Variants in FGGY observed in about 807,000 individuals in gnomAD.
FGGY encodes FGGY carbohydrate kinase domain-containing protein.
A neutral mutation model predicts 71.3 loss-of-function variants in FGGY; 72 were observed. The observed-to-expected ratio is 1.01, with a 90% CI of 0.84 to 1.23. The LOEUF is 1.23. Among genes scored for constraint, FGGY ranks in the 50% most tolerant of loss-of-function variants. The pLI is 0.00. For missense variants in FGGY, 668 were observed against 682.3 expected, an observed-to-expected ratio of 0.98 and a Z score of 0.23; for synonymous variants, 251 against 250.3, an observed-to-expected ratio of 1.00 and a Z score of -0.02.
rs903335342 is a variant in FGGY at position 59,741,678 on chromosome 1, G to A, written c.1513-16253G>A. Reference sequence around the variant, plus strand: ...AAAAATTGCCAGGCGGGCGAGGCGCGGTGGCTGACACACTTTGGGAGGCCG... The same window carrying A: ...AAAAATTGCCAGGCGGGCGAGGCGCAGTGGCTGACACACTTTGGGAGGCCG... On this transcript the variant is annotated intron_variant, in intron 14 of 15. Transcript: ENST00000303721. Among the ~76,000 whole-genome samples, 17 of 152,054 alleles carry A rather than the reference G, an allele frequency of 1.1e-4. No homozygotes were observed. In the South Asian group the frequency reaches 1.2e-3, roughly 11 times the overall value.
At chr1:59,673,989 C>T in intron 13 of FGGY, 50 bp from the exon 14 acceptor site, 1 of 1,557,756 alleles carries the variant, frequency 6.4e-7, no homozygotes, top group South Asian at 1.1e-5. Flanking sequence ...TGGCTCCTCA[C>T]ACTCCCCTGG....
intron 14 of FGGY, among the ~76,000 whole-genome samples, chr1:59,690,381 G>T (rs140988711): frequency 4.3e-4 from 65 of 152,256 alleles, no homozygotes; most frequent in Non-Finnish European, 8.7e-4. Flanking sequence ...GAGGCCACGC[G>T]CTTTCCCAAG....
chr1:59,553,367 A>G (rs181627743), intron 7 of FGGY, among the ~76,000 whole-genome samples: 3 of 152,346 alleles, frequency 2.0e-5, no homozygotes, highest in Non-Finnish European at 2.9e-5. Context: ...ATACAATTCC[A>G]GGCCCTAAAG....
intron 6 of FGGY, among the ~76,000 whole-genome samples, chr1:59,485,384 G>A (rs2093627421): frequency 1.3e-5 from 2 of 152,158 alleles, no homozygotes; most frequent in Non-Finnish European, 2.9e-5. Context: ...AAGGAGATCA[G>A]GCAGTGGCCA....
chr1:59,698,787 C>A (rs548941466), intron 14 of FGGY: 1 of 985,288 alleles, frequency 1.0e-6, no homozygotes, highest in Non-Finnish European at 1.2e-6. Context: ...AAAAGCGCAG[C>A]GCATACATTG....
chr1:59,317,616 G>A (rs2045685693), intron 1 of FGGY, among the ~76,000 whole-genome samples: 2 of 152,186 alleles, frequency 1.3e-5, no homozygotes, highest in Admixed American at 6.5e-5. Flanking sequence ...GGGAAGAGCA[G>A]GGGACCTATG....
At chr1:59,352,628 G>A (rs957175912) in intron 4 of FGGY, among the ~76,000 whole-genome samples, 2 of 152,288 alleles carry the variant, frequency 1.3e-5, no homozygotes, top group South Asian at 4.1e-4. Flanking sequence ...GGCTAGAGAG[G>A]TGGTTTGATA....
intron 7 of FGGY, among the ~76,000 whole-genome samples, chr1:59,538,912 G>A (rs918844962): frequency 2.0e-5 from 3 of 151,830 alleles, no homozygotes; most frequent in Admixed American, 6.6e-5. Context: ...GAGTTAGTAC[G>A]TGCAGCGCAC....
chr1:59,563,228 C>T (rs547031983), intron 8 of FGGY, among the ~76,000 whole-genome samples: 8 of 152,214 alleles, frequency 5.3e-5, no homozygotes, highest in East Asian at 1.9e-4. Flanking sequence ...ATATTGGCTG[C>T]GGGTTTGTCA....
intron 14 of FGGY, among the ~76,000 whole-genome samples, chr1:59,750,298 A>C (rs1167278692): frequency 6.6e-6 from 1 of 152,114 alleles, no homozygotes; most frequent in Non-Finnish European, 1.5e-5. Flanking sequence ...TGGGCGTCTA[A>C]AAATTTTTTT....
chr1:59,435,401 A>G (rs963564443), intron 5 of FGGY, among the ~76,000 whole-genome samples: 1 of 152,116 alleles, frequency 6.6e-6, no homozygotes, highest in African/African-American at 2.4e-5. Flanking sequence ...CTGAAAATGC[A>G]ACTTTGATCG....
chr1:59,505,576 G>A (rs562739959), intron 6 of FGGY, among the ~76,000 whole-genome samples: 98 of 152,266 alleles, frequency 6.4e-4, no homozygotes, highest in Non-Finnish European at 2.5e-4. Context: ...CATGCCCAAA[G>A]CTCTTTCTGA....
chr1:59,524,915 C>T (rs2094935139), intron 7 of FGGY, among the ~76,000 whole-genome samples: 1 of 152,228 alleles, frequency 6.6e-6, no homozygotes, highest in South Asian at 2.1e-4. Context: ...GAAACACATC[C>T]CTCCGGCTCA....
chr1:59,544,597 A>G (rs973091815), intron 7 of FGGY, among the ~76,000 whole-genome samples: 3 of 151,930 alleles, frequency 2.0e-5, no homozygotes, highest in African/African-American at 4.8e-5. Flanking sequence ...AAATACTAAC[A>G]TGCCATATTT....
intron 11 of FGGY, chr1:59,641,244 A>G (rs577625694): frequency 2.4e-5 from 37 of 1,553,952 alleles, no homozygotes; most frequent in Middle Eastern, 1.7e-4. Flanking sequence ...ATTTTATCTT[A>G]ATAATAAAAA....
At chr1:59,619,457 T>G (rs1180091088) in intron 9 of FGGY, among the ~76,000 whole-genome samples, 1 of 152,064 alleles carries the variant, frequency 6.6e-6, no homozygotes, top group Non-Finnish European at 1.5e-5. Context: ...TAGACCTCAC[T>G]GATGTGACAG....
At chr1:59,599,938 C>G (rs4912215) in intron 8 of FGGY, among the ~76,000 whole-genome samples, 127,206 of 152,038 alleles carry the variant, frequency 0.84, 53,380 homozygotes, top group Middle Eastern at 0.92. Context: ...GTAAAAGCTA[C>G]ATCAGACAGT....
In FGGY at chr1:59,490,453, C is replaced by T. The variant is rs866592564; in HGVS notation, c.671-21858C>T. Among the ~76,000 whole-genome samples the T allele has an allele frequency of 4.6e-5, 7 of 152,210 alleles. No individual in the cohort carries two copies. In the South Asian group the frequency reaches 6.2e-4, roughly 14 times the overall value. On this transcript the variant is annotated intron_variant, in intron 6 of 15. Transcript: ENST00000303721. The stretch of plus-strand genomic sequence containing the variant: ...AATGAATAGTTTGCAAGTATTTTCT[C>T]CCATTCTATAGGTTGAATTTTCACT...
intron 6 of FGGY, among the ~76,000 whole-genome samples, chr1:59,506,576 A>T (rs2094388439): frequency 6.6e-6 from 1 of 152,230 alleles, no homozygotes. Flanking sequence ...AGGTGGGTGG[A>T]TCACTTGAGG....
Sources: allele counts gnomAD v4.1 joint callset (sites outside exome capture counted in the v4.1 genomes callset), GRCh38; gene constraint gnomAD v4.1.1; transcripts MANE v1.5; gene names NCBI Gene and HGNC (gene_info 2026-07-23, HGNC 2026-07-21).